CALN1: variants seen among roughly 807,000 people sequenced by gnomAD.
CALN1 encodes calcium-binding protein 8.
In CALN1, 17 loss-of-function variants were observed where a neutral mutation model predicts 30.6. The ratio of observed to expected loss-of-function variants is 0.56; its 90% CI spans 0.38 to 0.83. The LOEUF (loss-of-function observed/expected upper bound fraction) is 0.83, where lower values mean the gene tolerates loss of function less well. CALN1 is among the 40% of genes least tolerant of loss of function. CALN1 has a pLI of 0.00. For synonymous variants in CALN1, 156 were observed against 131.4 expected (o/e 1.19, Z -1.28); for missense variants, 291 against 354.9 (o/e 0.82, Z 1.45).
intron 3 of CALN1, among the ~76,000 whole-genome samples, chr7:72,121,212 TTATG>T (rs1367937129): frequency 6.9e-6 from 1 of 144,130 alleles, no homozygotes; most frequent in African/African-American, 2.5e-5. Flanking sequence ...TAATTCCATA[TTATG>T]TATTATATAA....
intron 2 of CALN1, among the ~76,000 whole-genome samples, chr7:72,355,911 CATTTT>C (rs1460466689): frequency 2.6e-5 from 4 of 151,882 alleles, no homozygotes; most frequent in Admixed American, 1.3e-4. Flanking sequence ...TAAATGGGTG[CATTTT>C]ATTATATGTA....
chr7:72,317,590 C>A (rs1800573268), intron 2 of CALN1, among the ~76,000 whole-genome samples: 1 of 152,116 alleles, frequency 6.6e-6, no homozygotes, highest in African/African-American at 2.4e-5. Context: ...AGAACTGTGA[C>A]CACAGGGCGA....
chr7:72,315,225 T>C (rs1179475525), intron 2 of CALN1, among the ~76,000 whole-genome samples: 1 of 150,992 alleles, frequency 6.6e-6, no homozygotes, highest in Non-Finnish European at 1.5e-5. Flanking sequence ...AGAGCAAACA[T>C]AGAAAATTTT....
At chr7:71,858,893 G>A (rs532197318) in intron 5 of CALN1, among the ~76,000 whole-genome samples, 1 of 152,298 alleles carries the variant, frequency 6.6e-6, no homozygotes, top group African/African-American at 2.4e-5. Context: ...AGGACCTGCT[G>A]AGGCTGTGTC....
At chr7:72,353,259 T>C (rs1191848511) in intron 2 of CALN1, among the ~76,000 whole-genome samples, 2 of 151,884 alleles carry the variant, frequency 1.3e-5, no homozygotes, top group Non-Finnish European at 2.9e-5. Flanking sequence ...CTACTGTCTC[T>C]CTGTTATCAA....
intron 3 of CALN1, among the ~76,000 whole-genome samples, chr7:72,162,091 T>A (rs1466831077): frequency 6.6e-6 from 1 of 151,604 alleles, no homozygotes; most frequent in Non-Finnish European, 1.5e-5. Context: ...AGAGACAAAC[T>A]TAGAATAGAG....
chr7:72,262,377 G>A (rs1424169135), intron 3 of CALN1, among the ~76,000 whole-genome samples: 5 of 152,082 alleles, frequency 3.3e-5, no homozygotes, highest in Non-Finnish European at 7.3e-5. Context: ...TAGATTCGGG[G>A]GTAACCTGTA....
At chr7:71,837,497 T>C (rs1789692891) in intron 5 of CALN1, among the ~76,000 whole-genome samples, 1 of 152,142 alleles carries the variant, frequency 6.6e-6, no homozygotes, top group African/African-American at 2.4e-5. Context: ...AATGGAGAGA[T>C]ATCACTGAGT....
intron 3 of CALN1, among the ~76,000 whole-genome samples, chr7:72,121,300 T>C (rs1411861263): frequency 3.5e-5 from 5 of 143,328 alleles, no homozygotes; most frequent in Non-Finnish European, 7.6e-5. Flanking sequence ...ATTATATAAT[T>C]TATAAATTAA....
At chr7:72,279,233 T>C (rs1797570169) in intron 2 of CALN1, among the ~76,000 whole-genome samples, 1 of 152,100 alleles carries the variant, frequency 6.6e-6, no homozygotes, top group African/African-American at 2.4e-5. Context: ...GTCTTGTCTG[T>C]GATCAAGCAG....
chr7:72,225,035 G>C (rs1288341318), intron 3 of CALN1, among the ~76,000 whole-genome samples: 2 of 151,808 alleles, frequency 1.3e-5, no homozygotes, highest in Non-Finnish European at 2.9e-5. Context: ...CCAGGAGGTG[G>C]AGCTTGCAGT....
intron 4 of CALN1, among the ~76,000 whole-genome samples, chr7:72,062,319 T>C (rs1203817713): frequency 1.3e-5 from 2 of 152,082 alleles, no homozygotes; most frequent in Non-Finnish European, 2.9e-5. Flanking sequence ...GAGACCAGTC[T>C]GGCCAACATG....
chr7:72,348,177 A>T (rs1052159910), intron 2 of CALN1, among the ~76,000 whole-genome samples: 5 of 152,232 alleles, frequency 3.3e-5, no homozygotes, highest in African/African-American at 7.2e-5. Flanking sequence ...TCAACATAGT[A>T]AGTTAGTTTC....
intron 5 of CALN1, among the ~76,000 whole-genome samples, chr7:71,973,845 T>G (rs959489950): frequency 9.2e-5 from 14 of 152,226 alleles, no homozygotes; most frequent in Non-Finnish European, 2.1e-4. Flanking sequence ...TTTGGCGTTT[T>G]AATTGAGGGT....
At chr7:71,897,965 C>CAAAAAAAA (rs1217388366) in intron 5 of CALN1, among the ~76,000 whole-genome samples, 1 of 55,126 alleles carries the variant, frequency 1.8e-5, no homozygotes. Context: ...TGGAAAAAAA[C>CAAAAAAAA]AAAAAACAAA....
chr7:72,267,661 G>T (rs2129553226), intron 3 of CALN1, among the ~76,000 whole-genome samples: 1 of 152,330 alleles, frequency 6.6e-6, no homozygotes, highest in African/African-American at 2.4e-5. Flanking sequence ...ATGTAACCTT[G>T]GACAAGGTTA....
At chr7:71,971,930 C>CAAAAAAAAAA (rs764756514) in intron 5 of CALN1, among the ~76,000 whole-genome samples, 1 of 38,552 alleles carries the variant, frequency 2.6e-5, no homozygotes, top group Non-Finnish European at 4.9e-5. Context: ...GACCCTGTCT[C>CAAAAAAAAAA]AAAAAAAAAA....
intron 3 of CALN1, among the ~76,000 whole-genome samples, chr7:72,145,559 C>A (rs1444887258): frequency 6.6e-6 from 1 of 152,138 alleles, no homozygotes; most frequent in Non-Finnish European, 1.5e-5. Flanking sequence ...GGAGCTGGTA[C>A]CATTCCTTCT....
At chr7:72,406,782 A>C (rs562987443) in intron 1 of CALN1, among the ~76,000 whole-genome samples, 5 of 151,616 alleles carry the variant, frequency 3.3e-5, no homozygotes, top group Non-Finnish European at 7.4e-5. Context: ...AGGCCTGGCT[A>C]ATTTTTGTAT....
Sources: allele counts gnomAD v4.1 joint callset (sites outside exome capture counted in the v4.1 genomes callset), GRCh38; gene constraint gnomAD v4.1.1; transcripts MANE v1.5; gene names NCBI Gene and HGNC (gene_info 2026-07-23, HGNC 2026-07-21).